The following DACH1 variants were observed in gnomAD, a reference collection of about 807,000 sequenced individuals.
DACH1 encodes the protein dachshund family transcription factor 1.
Under a neutral mutation model 54.2 loss-of-function variants are expected in DACH1, and 12 were observed. That is an observed-to-expected ratio of 0.22 (90% CI 0.14 to 0.36). The LOEUF is 0.36. Ranked by LOEUF, DACH1 falls within the 10% of genes least tolerant of loss-of-function variation. DACH1 has a pLI of 1.00. For synonymous variants in DACH1, 386 were observed against 366.2 expected, an observed-to-expected ratio of 1.05 and a Z score of -0.62; for missense variants, 805 against 929.8, an observed-to-expected ratio of 0.87 and a Z score of 1.75.
intron 2 of DACH1, among the ~76,000 whole-genome samples, chr13:71,671,234 C>T (rs969701934): frequency 1.3e-5 from 2 of 151,140 alleles, no homozygotes; most frequent in Non-Finnish European, 3.0e-5. Context: ...TAGGGTTTCT[C>T]ATGAAAGAAA....
chr13:71,675,108 A>G, intron 2 of DACH1: 1 of 1,577,368 alleles, frequency 6.3e-7, no homozygotes, highest in Non-Finnish European at 8.7e-7. Flanking sequence ...CCGGTGGTAA[A>G]GCACCCAGGA....
chr13:71,764,770 A>G (rs1230867132), intron 1 of DACH1, among the ~76,000 whole-genome samples: 1 of 152,350 alleles, frequency 6.6e-6, no homozygotes, highest in East Asian at 1.9e-4. Context: ...TGTGGTAAAT[A>G]TCTGATGACA....
intron 3 of DACH1, among the ~76,000 whole-genome samples, chr13:71,609,103 C>T: frequency 6.6e-6 from 1 of 151,916 alleles, no homozygotes; most frequent in Middle Eastern, 3.4e-3. Flanking sequence ...ATATATTAAG[C>T]AACATCAACA....
intron 1 of DACH1, among the ~76,000 whole-genome samples, chr13:71,748,023 A>T (rs1884678536): frequency 6.6e-6 from 1 of 152,184 alleles, no homozygotes; most frequent in African/African-American, 2.4e-5. Context: ...GGGGGACAGC[A>T]TGTTGACTTC....
At chr13:71,535,121 T>C (rs547165544) in intron 6 of DACH1, among the ~76,000 whole-genome samples, 1 of 151,820 alleles carries the variant, frequency 6.6e-6, no homozygotes, top group East Asian at 1.9e-4. Context: ...TATTTAATTT[T>C]TAAGATAGAA....
intron 6 of DACH1, among the ~76,000 whole-genome samples, chr13:71,518,209 G>A (rs1174154655): frequency 6.6e-6 from 1 of 151,802 alleles, no homozygotes; most frequent in Non-Finnish European, 1.5e-5. Flanking sequence ...TCATAAGGGT[G>A]AGACCTTTAA....
chr13:71,549,768 G>T (rs542252841), intron 6 of DACH1, among the ~76,000 whole-genome samples: 2 of 152,172 alleles, frequency 1.3e-5, no homozygotes, highest in East Asian at 3.9e-4. Context: ...TTCAAAGACA[G>T]AATTCCTACC....
At chr13:71,553,591 T>C (rs901132953) in intron 6 of DACH1, among the ~76,000 whole-genome samples, 6 of 145,054 alleles carry the variant, frequency 4.1e-5, no homozygotes, top group African/African-American at 1.5e-4. Flanking sequence ...TTTGTATTTT[T>C]ATATTTTTGT....
intron 2 of DACH1, among the ~76,000 whole-genome samples, chr13:71,659,147 A>G (rs1879330832): frequency 6.6e-6 from 1 of 152,172 alleles, no homozygotes; most frequent in African/African-American, 2.4e-5. Flanking sequence ...ACAGAAATTA[A>G]TTTACGTAAT....
intron 1 of DACH1, among the ~76,000 whole-genome samples, chr13:71,785,284 C>T (rs111285151): frequency 1.6e-3 from 245 of 152,188 alleles, no homozygotes; most frequent in African/African-American, 5.7e-3. Flanking sequence ...AAGTGTGTCT[C>T]TCTGTGTCAC....
At chr13:71,778,538 T>C (rs1886167912) in intron 1 of DACH1, among the ~76,000 whole-genome samples, 1 of 151,808 alleles carries the variant, frequency 6.6e-6, no homozygotes, top group African/African-American at 2.4e-5. Flanking sequence ...GAAATTTAAG[T>C]TGAAAAATCT....
intron 1 of DACH1, among the ~76,000 whole-genome samples, chr13:71,687,632 AG>A (rs908827737): frequency 6.6e-6 from 1 of 152,112 alleles, no homozygotes; most frequent in Non-Finnish European, 1.5e-5. Context: ...TTTTGACACA[AG>A]GTCTCACTCT....
chr13:71,457,141 C>T (rs1875640642), intron 10 of DACH1, among the ~76,000 whole-genome samples: 1 of 151,860 alleles, frequency 6.6e-6, no homozygotes, highest in South Asian at 2.1e-4. Context: ...CAAATGACTG[C>T]AAAAAATATC....
intron 10 of DACH1, 113 bp downstream of exon 10, chr13:71,475,028 G>C (rs1566281088): frequency 2.3e-6 from 2 of 875,610 alleles, no homozygotes; most frequent in Non-Finnish European, 3.7e-6. Flanking sequence ...GACCTTGTTT[G>C]AACTTGTTTT....
intron 1 of DACH1, among the ~76,000 whole-genome samples, chr13:71,723,049 T>C (rs144396627): frequency 5.8e-4 from 88 of 152,206 alleles, no homozygotes; most frequent in African/African-American, 2.0e-3. Flanking sequence ...TCATGGATTG[T>C]TGTGTCAAAA....
intron 6 of DACH1, among the ~76,000 whole-genome samples, chr13:71,496,291 A>G (rs1213687603): frequency 7.8e-6 from 1 of 128,880 alleles, no homozygotes; most frequent in Non-Finnish European, 1.6e-5. Flanking sequence ...ATATATATAT[A>G]TATATATATA....
chr13:71,560,041 C>T (rs977476141), intron 4 of DACH1, 86 bp from the exon 5 acceptor site: 15 of 1,355,102 alleles, frequency 1.1e-5, no homozygotes, highest in Non-Finnish European at 1.5e-5. Context: ...TTTCTCAATA[C>T]AATAAGAAAT....
At chr13:71,598,017 T>TTACA (rs1311941842) in intron 3 of DACH1, among the ~76,000 whole-genome samples, 1 of 150,308 alleles carries the variant, frequency 6.7e-6, no homozygotes, top group Non-Finnish European at 1.5e-5. Flanking sequence ...GAGGCAGAGG[T>TTACA]TACAGTGAGC....
At chr13:71,591,289 G>A (rs1200058788) in intron 3 of DACH1, among the ~76,000 whole-genome samples, 1 of 152,036 alleles carries the variant, frequency 6.6e-6, no homozygotes, top group East Asian at 1.9e-4. Context: ...GTAAATACAT[G>A]AGGATTTCTA....
Sources: allele counts gnomAD v4.1 joint callset (sites outside exome capture counted in the v4.1 genomes callset), GRCh38; gene constraint gnomAD v4.1.1; transcripts MANE v1.5; gene names NCBI Gene and HGNC (gene_info 2026-07-23, HGNC 2026-07-21).